TRABD2A: variants seen among roughly 807,000 people sequenced by gnomAD.
TRABD2A encodes metalloprotease TIKI1.
A neutral mutation model predicts 45.6 loss-of-function variants in TRABD2A; 43 were observed. The observed-to-expected ratio is 0.94, with a 90% CI of 0.74 to 1.22. The LOEUF is 1.22. Ranked by LOEUF, TRABD2A falls within the 50% of genes most tolerant of loss-of-function variation. The pLI is 0.00. For synonymous variants in TRABD2A, 269 were observed against 265.0 expected (o/e 1.02, Z -0.15); for missense variants, 642 against 652.4 (o/e 0.98, Z 0.17).
chr2:84,879,721 T>C (rs1047140428), intron 1 of TRABD2A: 1 of 514,708 alleles, frequency 1.9e-6, no homozygotes, highest in Non-Finnish European at 2.5e-6. Flanking sequence ...TTTGAAACCA[T>C]GCCTGGTGCA....
Position 84,830,210 on chromosome 2 carries a change from CAGG to C in TRABD2A, c.1082+1842_1082+1844del, listed in dbSNP as rs764183897. Among the ~76,000 whole-genome samples, 18 of 152,100 alleles carry C rather than the reference CAGG, an allele frequency of 1.2e-4. No individual in the cohort carries two copies. Among genetic ancestry groups the C allele is most frequent in the Admixed American group, 1.3e-4 (2 of 15,274 alleles). On this transcript the variant is annotated intron_variant, in intron 5 of 6. Transcript: ENST00000409520. This position sits in a 1 kb window ranked among gnomAD's most constrained non-coding sequence, Gnocchi z 4.9. Reference sequence around the variant, plus strand: ...CTAAGGGCTGGCTCCTCCAGACCTGCAGGAGAACAGGAAGGAGAGAGGCAGGAG... The same window carrying C: ...CTAAGGGCTGGCTCCTCCAGACCTGCAGAACAGGAAGGAGAGAGGCAGGAG...
chr2:84,869,875 A>G (rs1009035888), intron 2 of TRABD2A, among the ~76,000 whole-genome samples: 1 of 151,082 alleles, frequency 6.6e-6, no homozygotes, highest in African/African-American at 2.4e-5. Flanking sequence ...GCTACTAGGG[A>G]GGCTGAGACA....
chr2:84,842,643 C>T (rs11687261), intron 2 of TRABD2A, among the ~76,000 whole-genome samples: 18 of 151,084 alleles, frequency 1.2e-4, no homozygotes, highest in Admixed American at 5.3e-4. Context: ...GCTAGAGAAT[C>T]GTTTGAACCC....
chr2:84,835,485 C>T (rs1681472710), intron 4 of TRABD2A: 1 of 152,160 alleles, frequency 6.6e-6, no homozygotes, highest in East Asian at 1.9e-4. Context: ...ATGTTCACAG[C>T]TCACTTCAGC....
chr2:84,865,229 A>G (rs1268275399), intron 2 of TRABD2A, among the ~76,000 whole-genome samples: 1 of 152,074 alleles, frequency 6.6e-6, no homozygotes, highest in Non-Finnish European at 1.5e-5. Flanking sequence ...ATTGTGGGGA[A>G]AAAAAAAGAG....
intron 4 of TRABD2A, chr2:84,834,141 G>C (rs996197620): frequency 1.3e-5 from 2 of 152,156 alleles, no homozygotes; most frequent in Admixed American, 6.5e-5. Context: ...ACCACCACTG[G>C]CTCTGTTTCC....
At chr2:84,878,648 T>C (rs897505627) in intron 1 of TRABD2A, among the ~76,000 whole-genome samples, 2 of 151,994 alleles carry the variant, frequency 1.3e-5, no homozygotes, top group Non-Finnish European at 2.9e-5. Context: ...AGGGGCCAAT[T>C]TGGGCTCAGA....
intron 1 of TRABD2A, among the ~76,000 whole-genome samples, chr2:84,875,394 C>T (rs969299036): frequency 2.0e-5 from 3 of 152,100 alleles, no homozygotes; most frequent in African/African-American, 7.2e-5. Context: ...GAGGCCAGCA[C>T]GACAGAGAGG....
At chr2:84,832,284 C>T in intron 4 of TRABD2A, 139 bp from the exon 5 acceptor site, 1 of 812,814 alleles carries the variant, frequency 1.2e-6, no homozygotes, top group Non-Finnish European at 2.0e-6. Context: ...TTCTAGAGAG[C>T]TTCTGGAATC....
intron 1 of TRABD2A, among the ~76,000 whole-genome samples, chr2:84,876,698 A>G (rs767690162): frequency 6.6e-6 from 1 of 152,210 alleles, no homozygotes. Context: ...CCTCTGATTC[A>G]GAGTCATATC....
chr2:84,831,042 C>A (rs1042344618), intron 5 of TRABD2A, among the ~76,000 whole-genome samples: 1 of 152,146 alleles, frequency 6.6e-6, no homozygotes, highest in Non-Finnish European at 1.5e-5. Context: ...GTGTGCCCCC[C>A]ACATTCACAT....
chr2:84,823,859 G>T (rs758030154), intron 6 of TRABD2A, 94 bp downstream of exon 6: 2 of 1,518,824 alleles, frequency 1.3e-6, no homozygotes, highest in Non-Finnish European at 1.8e-6. Context: ...GCTCCATGAG[G>T]GGGGCTCCCA....
intron 1 of TRABD2A, among the ~76,000 whole-genome samples, chr2:84,879,221 T>A (rs973236410): frequency 6.6e-6 from 1 of 151,638 alleles, no homozygotes; most frequent in African/African-American, 2.4e-5. Context: ...TCTCGCTCTT[T>A]CACCCAAGCT....
intron 1 of TRABD2A, among the ~76,000 whole-genome samples, chr2:84,877,916 C>T (rs970214122): frequency 1.3e-5 from 2 of 152,166 alleles, no homozygotes; most frequent in South Asian, 4.1e-4. Flanking sequence ...TGAGCATCTG[C>T]TATGGCAAGG....
chr2:84,864,333 T>TGCAG (rs1682600697), intron 2 of TRABD2A, among the ~76,000 whole-genome samples: 1 of 151,918 alleles, frequency 6.6e-6, no homozygotes, highest in African/African-American at 2.4e-5. Context: ...ATTTATCAAC[T>TGCAG]GCAGGCTTTT....
At chr2:84,836,704 A>G (rs1238375625) in intron 4 of TRABD2A, 1 of 152,130 alleles carries the variant, frequency 6.6e-6, no homozygotes, top group Non-Finnish European at 1.5e-5. Context: ...TCTCACAGGT[A>G]TCTGAAGATC....
chr2:84,831,134 G>T (rs1007390589), intron 5 of TRABD2A, among the ~76,000 whole-genome samples: 7 of 152,038 alleles, frequency 4.6e-5, no homozygotes, highest in African/African-American at 1.7e-4. Context: ...TCACATGAGG[G>T]CCCTAGTCCA....
intron 2 of TRABD2A, among the ~76,000 whole-genome samples, chr2:84,854,200 G>A (rs780766087): frequency 2.0e-5 from 3 of 152,204 alleles, no homozygotes; most frequent in Non-Finnish European, 4.4e-5. Flanking sequence ...TTGGGAGGGT[G>A]TGCGTAGGTT....
At chr2:84,828,778 G>T (rs1467451889) in intron 5 of TRABD2A, among the ~76,000 whole-genome samples, 1 of 152,224 alleles carries the variant, frequency 6.6e-6, no homozygotes, top group African/African-American at 2.4e-5. Flanking sequence ...TTGAAAATTA[G>T]ATCCTTGTCC....
Sources: allele counts gnomAD v4.1 joint callset (sites outside exome capture counted in the v4.1 genomes callset), GRCh38; gene constraint gnomAD v4.1.1; non-coding constraint Gnocchi (gnomAD v3.1); transcripts MANE v1.5; gene names NCBI Gene and HGNC (gene_info 2026-07-23, HGNC 2026-07-21).